Variants in CALCRL observed in about 807,000 individuals in gnomAD.
CALCRL encodes the protein calcitonin receptor like receptor, also known as calcitonin gene-related peptide type 1 receptor.
A neutral mutation model predicts 60.4 loss-of-function variants in CALCRL; 27 were observed. The observed-to-expected ratio is 0.45, with a 90% CI of 0.33 to 0.62. The LOEUF is 0.62. Ranked by LOEUF, CALCRL falls within the 20% of genes least tolerant of loss-of-function variation. The pLI is 0.03. For missense variants in CALCRL, 424 were observed against 540.7 expected (o/e 0.78, Z 2.14); for synonymous variants, 190 against 182.6 (o/e 1.04, Z -0.33).
intron 1 of CALCRL, among the ~76,000 whole-genome samples, chr2:187,440,729 C>T (rs1348168433): frequency 6.6e-6 from 1 of 151,918 alleles, no homozygotes; most frequent in South Asian, 2.1e-4. Context: ...TGTGTATTTA[C>T]TTTGAAGGAA....
intron 1 of CALCRL, among the ~76,000 whole-genome samples, chr2:187,443,502 G>A (rs559159757): frequency 3.3e-5 from 5 of 151,658 alleles, no homozygotes; most frequent in South Asian, 2.1e-4. Flanking sequence ...AATCCAAAGC[G>A]CATCACAGTG....
chr2:187,381,671 G>T (rs886261041), intron 5 of CALCRL, among the ~76,000 whole-genome samples: 1 of 152,036 alleles, frequency 6.6e-6, no homozygotes, highest in African/African-American at 2.4e-5. Flanking sequence ...GGCCAGGATC[G>T]TCTCAATCTC....
intron 7 of CALCRL, 152 bp from the exon 8 acceptor site, chr2:187,379,183 T>C (rs1312594102): frequency 2.2e-6 from 1 of 454,932 alleles, no homozygotes; most frequent in Non-Finnish European, 3.9e-6. Flanking sequence ...TACAAACCAA[T>C]AAATACTTGA....
chr2:187,379,021 T>C lies in CALCRL; in HGVS notation c.419A>G (p.Asn140Ser). ...NTHEKVKTAL[N>S]LFYLTIIGHG... The stretch of plus-strand genomic sequence containing the variant: ...TCCAATTATGGTCAGGTAAAACAAA[T>C]TTAGTGCAGTCTGTAATTTGTATAA... The change falls in exon 8 of 15, where the codon AAT (asparagine) becomes AGT (serine). Residue 140 changes from asparagine to serine, a missense_variant. Coordinates refer to ENST00000392370, the MANE Select transcript of CALCRL (RefSeq NM_005795.6). 6.2e-7 allele frequency: 1 copy of C among 1,600,022 alleles called. No individual in the cohort carries two copies. Among genetic ancestry groups the C allele is most frequent in the South Asian group, 1.1e-5 (1 of 89,616 alleles).
intron 1 of CALCRL, among the ~76,000 whole-genome samples, chr2:187,412,048 G>A (rs1425386286): frequency 6.6e-6 from 1 of 150,690 alleles, no homozygotes; most frequent in Non-Finnish European, 1.5e-5. Context: ...TTTCTAACGA[G>A]AGGCATTAAG....
At chr2:187,349,776 G>T (rs947343057) in intron 14 of CALCRL, among the ~76,000 whole-genome samples, 2 of 151,696 alleles carry the variant, frequency 1.3e-5, no homozygotes, top group East Asian at 3.9e-4. Flanking sequence ...TAACAGGAGT[G>T]TTAGGCATTA....
At position 187,343,015 on chromosome 2, in the gene CALCRL, ATT is replaced by A. The variant is rs1686147552; in HGVS notation, c.*3167_*3168del. On this transcript the variant is annotated 3_prime_UTR_variant, in exon 15 of 15. Transcript: ENST00000392370. ...AGATAAAGGAGATGAATTTCTGAAC[ATT>A]TTCTTATTTTGAGACATCCTTTTTC... 1 of 151,530 alleles carries A rather than the reference ATT, an allele frequency of 6.6e-6. No homozygotes were observed. Among genetic ancestry groups the A allele is most frequent in the African/African-American group, 2.4e-5 (1 of 41,396 alleles). 9.4% of individuals were successfully genotyped at this position (151,530 alleles called of 1,614,324 possible). A position where few individuals can be genotyped will look rare whatever the true frequency, so the allele number is the denominator to read the frequency against.
At chr2:187,406,454 C>G (rs1400267762) in intron 1 of CALCRL, among the ~76,000 whole-genome samples, 1 of 151,952 alleles carries the variant, frequency 6.6e-6, no homozygotes, top group Non-Finnish European at 1.5e-5. Context: ...TAAAACATAT[C>G]TTAGGTGAAT....
At chr2:187,402,372 A>G (rs1191651879) in intron 1 of CALCRL, among the ~76,000 whole-genome samples, 1 of 151,232 alleles carries the variant, frequency 6.6e-6, no homozygotes, top group African/African-American at 2.4e-5. Context: ...TATGTGTCTA[A>G]TTGATCAGCT....
chr2:187,440,045 T>G (rs1475728205), intron 1 of CALCRL, among the ~76,000 whole-genome samples: 1 of 152,142 alleles, frequency 6.6e-6, no homozygotes, highest in Non-Finnish European at 1.5e-5. Flanking sequence ...TCCCTCATAC[T>G]ATTATTATAT....
rs556716014 is a variant in CALCRL, at chr2:187,345,947, G to A, written c.*237C>T. ...CACTTGGTGATGTCAGGTTAGTAGC[G>A]TCACATCAGGCATAGTGGGAGTATT... is the stretch of plus-strand genomic sequence containing the variant. On this transcript the variant is annotated 3_prime_UTR_variant, in exon 15 of 15. Transcript: ENST00000392370. The A allele has an allele frequency of 2.0e-5, 7 of 352,558 alleles. No individual in the cohort carries two copies. The highest frequency in any genetic ancestry group is 6.3e-5 in the African/African-American group (3 of 47,286). The allele number at this position is 352,558 out of a possible 1,614,324, so 21.8% of individuals were successfully genotyped here.
At chr2:187,349,105 TTTAA>T (rs1320863560) in intron 14 of CALCRL, among the ~76,000 whole-genome samples, 1 of 151,588 alleles carries the variant, frequency 6.6e-6, no homozygotes, top group African/African-American at 2.4e-5. Context: ...AGAATTTGGG[TTTAA>T]TTGTCTGTCC....
At chr2:187,407,763 A>T (rs1237085419) in intron 1 of CALCRL, among the ~76,000 whole-genome samples, 5 of 152,054 alleles carry the variant, frequency 3.3e-5, no homozygotes, top group Non-Finnish European at 5.9e-5. Flanking sequence ...TAGGTAACAT[A>T]TTGCATTTAA....
intron 1 of CALCRL, among the ~76,000 whole-genome samples, chr2:187,429,870 T>C (rs201808022): frequency 1.7e-5 from 2 of 116,638 alleles, no homozygotes; most frequent in East Asian, 2.1e-4. Context: ...CTCTCAAACA[T>C]GTTATAAGTT....
intron 1 of CALCRL, among the ~76,000 whole-genome samples, chr2:187,437,713 CTG>C (rs1239562413): frequency 2.6e-5 from 4 of 152,010 alleles, no homozygotes; most frequent in Admixed American, 1.3e-4. Flanking sequence ...TTGATAATGA[CTG>C]TATCAAATAA....
chr2:187,386,150 A>C (rs1470851155), intron 3 of CALCRL, among the ~76,000 whole-genome samples: 1 of 152,208 alleles, frequency 6.6e-6, no homozygotes, highest in Non-Finnish European at 1.5e-5. Flanking sequence ...TAGATAGATA[A>C]GTAATTAGAA....
chr2:187,446,620 A>G (rs1195602060), intron 1 of CALCRL, among the ~76,000 whole-genome samples: 1 of 151,782 alleles, frequency 6.6e-6, no homozygotes, highest in Non-Finnish European at 1.5e-5. Context: ...TCATTGGGTT[A>G]GTAAATGTGT....
At chr2:187,396,021 T>TTTGTTG (rs529744154) in intron 1 of CALCRL, among the ~76,000 whole-genome samples, 28 of 63,766 alleles carry the variant, frequency 4.4e-4, no homozygotes, top group African/African-American at 1.1e-3. Context: ...CCTGACACTG[T>TTTGTTG]TTGTTGTTGT....
chr2:187,382,461 G>C (rs1204038699), intron 5 of CALCRL, among the ~76,000 whole-genome samples: 1 of 152,124 alleles, frequency 6.6e-6, no homozygotes, highest in Non-Finnish European at 1.5e-5. Flanking sequence ...AGGCTTGGAA[G>C]GGTTTCAAAG....
Sources: gnomAD v4.1 joint callset for allele counts (sites outside exome capture counted in the v4.1 genomes callset) on GRCh38, gnomAD v4.1.1 for gene constraint, MANE v1.5 for transcripts, NCBI Gene and HGNC (gene_info 2026-07-23, HGNC 2026-07-21) for gene names.